The following PTN variants were observed in gnomAD, a reference collection of about 807,000 sequenced individuals.
The protein encoded by PTN is heparin affin regulatory protein.
Under a neutral mutation model 24.1 loss-of-function variants are expected in PTN, and 18 were observed. The observed-to-expected ratio is 0.75, with a 90% CI of 0.52 to 1.11. PTN has a LOEUF of 1.11. Ranked by LOEUF, PTN falls within the 50% of genes least tolerant of loss-of-function variation. The probability of loss-of-function intolerance (pLI) is 0.00; values close to 1 mark genes in which losing one functional copy is unlikely to be tolerated. For missense variants in PTN, 163 were observed against 198.8 expected (o/e 0.82, Z 1.08); for synonymous variants, 78 against 68.6 (o/e 1.14, Z -0.67).
chr7:137,267,910 C>A (rs1216296022), intron 1 of PTN, among the ~76,000 whole-genome samples: 1 of 152,046 alleles, frequency 6.6e-6, no homozygotes. Context: ...GTGATCAGGC[C>A]ATGCTTCCAC....
At chr7:137,228,660 C>T (rs1365775831) in intron 4 of PTN, among the ~76,000 whole-genome samples, 1 of 151,792 alleles carries the variant, frequency 6.6e-6, no homozygotes. Context: ...TGGAGCTTTG[C>T]CTACAGGAAC....
At chr7:137,265,606 C>G (rs1372613977) in intron 1 of PTN, among the ~76,000 whole-genome samples, 1 of 152,192 alleles carries the variant, frequency 6.6e-6, no homozygotes, top group Non-Finnish European at 1.5e-5. Flanking sequence ...TGGGATATAG[C>G]AGAGAGAGCC....
At chr7:137,309,306 T>C (rs188960660) in intron 1 of PTN, among the ~76,000 whole-genome samples, 141 of 152,328 alleles carry the variant, frequency 9.3e-4, no homozygotes, top group African/African-American at 3.4e-3. Flanking sequence ...TGCTAATATA[T>C]GCTAATGAGC....
intron 1 of PTN, among the ~76,000 whole-genome samples, chr7:137,296,078 T>G (rs1350962045): frequency 2.0e-5 from 3 of 152,052 alleles, no homozygotes; most frequent in African/African-American, 7.2e-5. Flanking sequence ...GAGTTCTTTC[T>G]CACTTACTTA....
chr7:137,253,620 A>G lies in PTN; in HGVS notation c.133T>C (p.Ser45Pro). ...CTCCACTGCCATTCTCCACAGTCAG[A>G]CTTCTTCACTTTTTTTTCTGAATGA... ...KEKPEKKVKKSDCGEWQWSVC... is the reference protein window; with the variant it reads ...KEKPEKKVKKPDCGEWQWSVC... The change falls in exon 3 of 5, where the codon TCT (serine) becomes CCT (proline). Residue 45 changes from serine (S) to proline (P), a missense_variant. Physicochemically the swap from Ser to Pro is moderately conservative, Grantham distance 74 (BLOSUM62 -1). Coordinates refer to ENST00000348225, the MANE Select transcript of PTN (RefSeq NM_002825.7). The G allele has an allele frequency of 6.5e-7, 1 of 1,546,436 alleles. No individual in the cohort carries two copies. The highest frequency in any genetic ancestry group is 8.8e-7 in the Non-Finnish European group (1 of 1,141,844).
chr7:137,232,004 G>C (rs17168993), intron 4 of PTN, among the ~76,000 whole-genome samples: 32,191 of 151,740 alleles, frequency 0.21, 3,963 homozygotes, highest in East Asian at 0.59. Flanking sequence ...TTTTATTGAA[G>C]TCATATAGCG....
chr7:137,256,949 C>T (rs956541161), intron 1 of PTN, among the ~76,000 whole-genome samples: 1 of 152,044 alleles, frequency 6.6e-6, no homozygotes, highest in African/African-American at 2.4e-5. Context: ...CAAATCAAAA[C>T]CACAGTGAGA....
chr7:137,318,082 T>A (rs1810103087), intron 1 of PTN, among the ~76,000 whole-genome samples: 1 of 152,040 alleles, frequency 6.6e-6, no homozygotes, highest in Admixed American at 6.6e-5. Context: ...GCCTGACCAA[T>A]ATAGTGAAAC....
intron 1 of PTN, among the ~76,000 whole-genome samples, chr7:137,271,390 C>T (rs188722961): frequency 1.4e-4 from 22 of 152,270 alleles, no homozygotes; most frequent in Admixed American, 2.6e-4. Context: ...CCTCTGTTCC[C>T]TATTAATCTT....
intron 1 of PTN, chr7:137,325,848 T>C (rs1482351078): frequency 6.6e-6 from 1 of 152,196 alleles, no homozygotes; most frequent in Non-Finnish European, 1.5e-5. Flanking sequence ...TAGAAGCCTC[T>C]CCTCGGCCAA....
chr7:137,278,942 G>GAAT (rs1216114094), intron 1 of PTN, among the ~76,000 whole-genome samples: 2 of 60,954 alleles, frequency 3.3e-5, no homozygotes, highest in Non-Finnish European at 6.5e-5. Flanking sequence ...CTCCATCTCA[G>GAAT]AACAATAATA....
intron 1 of PTN, among the ~76,000 whole-genome samples, chr7:137,278,371 T>C (rs1809406697): frequency 6.9e-6 from 1 of 144,612 alleles, no homozygotes; most frequent in Non-Finnish European, 1.5e-5. Flanking sequence ...ATTGTCAAAT[T>C]AGATAAACAA....
chr7:137,322,885 G>A (rs1810187526), intron 1 of PTN, among the ~76,000 whole-genome samples: 1 of 152,124 alleles, frequency 6.6e-6, no homozygotes, highest in African/African-American at 2.4e-5. Context: ...ATTCCCTCAG[G>A]ACACCTTCAT....
chr7:137,291,704 G>A (rs1311984559), intron 1 of PTN, among the ~76,000 whole-genome samples: 2 of 151,932 alleles, frequency 1.3e-5, no homozygotes, highest in East Asian at 1.9e-4. Context: ...GTCCTCTGAC[G>A]TAAGCGCTGA....
At chr7:137,234,016 C>T (rs1274635886) in intron 4 of PTN, among the ~76,000 whole-genome samples, 1 of 151,014 alleles carries the variant, frequency 6.6e-6, no homozygotes, top group Non-Finnish European at 1.5e-5. Flanking sequence ...AGAGAGATTA[C>T]TCATAACTTC....
chr7:137,236,755 A>G (rs1808528938), intron 4 of PTN, among the ~76,000 whole-genome samples: 1 of 152,156 alleles, frequency 6.6e-6, no homozygotes, highest in South Asian at 2.1e-4. Context: ...AGAGGTAGAA[A>G]ATTTGCCTTA....
intron 1 of PTN, among the ~76,000 whole-genome samples, chr7:137,335,494 A>G (rs1377733065): frequency 6.6e-6 from 1 of 152,222 alleles, no homozygotes; most frequent in Non-Finnish European, 1.5e-5. Flanking sequence ...ACATATTGAC[A>G]ATGATCCTCA....
intron 1 of PTN, among the ~76,000 whole-genome samples, chr7:137,304,661 C>G (rs772216552): frequency 6.6e-6 from 1 of 151,984 alleles, no homozygotes; most frequent in East Asian, 1.9e-4. Flanking sequence ...AGATGAAAAG[C>G]AGCATAGCAC....
intron 1 of PTN, among the ~76,000 whole-genome samples, chr7:137,286,424 C>T (rs193270571): frequency 6.6e-6 from 1 of 152,232 alleles, no homozygotes; most frequent in African/African-American, 2.4e-5. Flanking sequence ...CTCATGTTAC[C>T]AGCTTCCAGC....
Sources: gnomAD v4.1 joint callset for allele counts (sites outside exome capture counted in the v4.1 genomes callset) on GRCh38, gnomAD v4.1.1 for gene constraint, MANE v1.5 for transcripts, NCBI Gene and HGNC (gene_info 2026-07-23, HGNC 2026-07-21) for gene names.